Variants in TRPM7 observed in about 807,000 individuals in gnomAD.
TRPM7 encodes the protein LTRPC ion channel family member 7.
A neutral mutation model predicts 229.7 loss-of-function variants in TRPM7; 134 were observed. The ratio of observed to expected loss-of-function variants is 0.58; its 90% CI spans 0.51 to 0.67. TRPM7 has a LOEUF of 0.67. Ranked by LOEUF, TRPM7 falls within the 30% of genes least tolerant of loss-of-function variation. The probability of loss-of-function intolerance (pLI) is 0.00; values close to 1 mark genes in which losing one functional copy is unlikely to be tolerated. For synonymous variants in TRPM7, 699 were observed against 715.2 expected (o/e 0.98, Z 0.36); for missense variants, 1,901 against 2,210.0 (o/e 0.86, Z 2.80).
rs60298843 is a variant in TRPM7, at chr15:50,561,035, TA to T, written c.*642del. ...ATTTTTACACAATTTGGGTTCTATT[TA>T]AAAAAAAAAACTGGCTCTATCTTTA... is the stretch of plus-strand genomic sequence containing the variant. On this transcript the variant is annotated 3_prime_UTR_variant, in exon 39 of 39. Coordinates refer to ENST00000646667, the MANE Select transcript of TRPM7 (RefSeq NM_017672.6). The T allele has an allele frequency of 0.37, 55,251 of 150,212 alleles. 10,885 individuals are homozygous for T. Among genetic ancestry groups the T allele is most frequent in the Admixed American group, 0.49 (7,356 of 15,074 alleles). 9.3% of individuals were successfully genotyped at this position (150,212 alleles called of 1,614,324 possible).
intron 15 of TRPM7, 66 bp downstream of exon 15, chr15:50,613,641 T>C: frequency 7.4e-7 from 1 of 1,354,044 alleles, no homozygotes. Context: ...TTTTGTTTAA[T>C]AATACTAAGT....
rs28595369 is a variant in TRPM7, at chr15:50,666,530, G to C, written c.4-3484C>G. 7.9e-3 allele frequency among the ~76,000 whole-genome samples: 1,199 copies of C among 152,098 alleles called. 20 individuals are homozygous for C. The highest frequency in any genetic ancestry group is 0.028 in the African/African-American group (1,148 of 41,500). On this transcript the variant is annotated intron_variant, in intron 1 of 38. Transcript: ENST00000646667. ...GAGGAAAAAGAAAAAGAGGCCGGGTGCAGTGGCTTATACCTGTAATCCCAG... is the reference window on the plus strand; with the variant it reads ...GAGGAAAAAGAAAAAGAGGCCGGGTCCAGTGGCTTATACCTGTAATCCCAG...
intron 5 of TRPM7, among the ~76,000 whole-genome samples, chr15:50,641,537 TTCA>T (rs2061101111): frequency 1.3e-5 from 2 of 152,210 alleles, no homozygotes; most frequent in African/African-American, 4.8e-5. Context: ...TCTTCTTGAC[TTCA>T]TGTGTCTGCA....
At chr15:50,664,168 T>G (rs1251212509) in intron 1 of TRPM7, among the ~76,000 whole-genome samples, 1 of 151,434 alleles carries the variant, frequency 6.6e-6, no homozygotes, top group Non-Finnish European at 1.5e-5. Context: ...TGTGGTGGCG[T>G]GTGCCTGTAA....
chr15:50,615,811 G>A (rs1418063610), intron 13 of TRPM7, among the ~76,000 whole-genome samples: 2 of 151,948 alleles, frequency 1.3e-5, no homozygotes, highest in Non-Finnish European at 2.9e-5. Flanking sequence ...CAGAAGAATC[G>A]CTTGAACCCA....
chr15:50,585,572 T>C (rs562364837), intron 28 of TRPM7, among the ~76,000 whole-genome samples: 28 of 152,338 alleles, frequency 1.8e-4, no homozygotes, highest in African/African-American at 6.5e-4. Context: ...GATCTCATGA[T>C]TTTTCTCCTT....
intron 9 of TRPM7, among the ~76,000 whole-genome samples, chr15:50,631,835 C>T (rs1044008340): frequency 6.6e-6 from 1 of 152,118 alleles, no homozygotes; most frequent in Non-Finnish European, 1.5e-5. Context: ...GATTCCTTAT[C>T]AGGGTAAATA....
Position 50,686,794 on chromosome 15 carries a change from G to T in TRPM7, c.-261C>A. 2.7e-6 allele frequency: 1 copy of T among 364,772 alleles called. No homozygotes were observed. Among genetic ancestry groups the T allele is most frequent in the Non-Finnish European group, 4.8e-6 (1 of 206,204 alleles). The allele number at this position is 364,772 out of a possible 1,614,324, so 22.6% of individuals were successfully genotyped here. On this transcript the variant is annotated 5_prime_UTR_variant, in exon 1 of 39. Coordinates refer to ENST00000646667, the MANE Select transcript of TRPM7 (RefSeq NM_017672.6). ...CCGCCTCCGCCGGCGACGGGGCTGGGGACGGACCACGTGAGCGGCGCGGCG... is the reference window on the plus strand; with the variant it reads ...CCGCCTCCGCCGGCGACGGGGCTGGTGACGGACCACGTGAGCGGCGCGGCG...
In TRPM7 at chr15:50,594,554, TGATAACGCTG is replaced by T. The variant is rs762841114; in HGVS notation, c.3340_3349del (p.Gln1114IlefsTer22). 1 of 1,612,838 alleles carries T rather than the reference TGATAACGCTG, an allele frequency of 6.2e-7. No individual in the cohort carries two copies. The highest frequency in any genetic ancestry group is 1.1e-5 in the South Asian group (1 of 90,938). On this transcript the variant is annotated frameshift_variant, in exon 24 of 39. Transcript: ENST00000646667. LOFTEE classifies it high-confidence loss of function. Reference sequence around the variant, plus strand: ...TTTCTCATGATAAGCCATAATAAAATGATAACGCTGGTACTTCCATACAATATTGGAAATT... The same window carrying T: ...TTTCTCATGATAAGCCATAATAAAATGTACTTCCATACAATATTGGAAATT...
At chr15:50,586,011 T>G (rs932792592) in intron 28 of TRPM7, among the ~76,000 whole-genome samples, 1 of 151,958 alleles carries the variant, frequency 6.6e-6, no homozygotes, top group Non-Finnish European at 1.5e-5. Flanking sequence ...ATTTTCAGAG[T>G]GTGTGTATTT....
intron 7 of TRPM7, 124 bp from the exon 8 acceptor site, chr15:50,634,680 A>G: frequency 4.2e-6 from 3 of 707,270 alleles, no homozygotes; most frequent in East Asian, 3.4e-5. Context: ...ATTAAAAAGT[A>G]AAAACATAAT....
intron 1 of TRPM7, among the ~76,000 whole-genome samples, chr15:50,684,098 A>C (rs1396490623): frequency 6.6e-6 from 1 of 151,562 alleles, no homozygotes; most frequent in Non-Finnish European, 1.5e-5. Context: ...GTGATCCGGG[A>C]TCAGCCTGTC....
At chr15:50,674,304 G>T (rs889952664) in intron 1 of TRPM7, among the ~76,000 whole-genome samples, 1 of 151,822 alleles carries the variant, frequency 6.6e-6, no homozygotes, top group African/African-American at 2.4e-5. Context: ...GCTAATTTTT[G>T]TATTTTTAGT....
At position 50,561,023 on chromosome 15, in the gene TRPM7, T is replaced by G. The variant is rs2053288307; in HGVS notation, c.*655A>C. 1 of 131,464 alleles carries G rather than the reference T, an allele frequency of 7.6e-6. No homozygotes were observed. Among genetic ancestry groups the G allele is most frequent in the African/African-American group, 2.7e-5 (1 of 36,570 alleles). 8.1% of individuals were successfully genotyped at this position (131,464 alleles called of 1,614,324 possible). A position where few individuals can be genotyped will look rare whatever the true frequency, so the allele number is the denominator to read the frequency against. ...AACCCAATTAACATTTTTACACAATTTGGGTTCTATTTAAAAAAAAAAACT... is the reference window on the plus strand; with the variant it reads ...AACCCAATTAACATTTTTACACAATGTGGGTTCTATTTAAAAAAAAAAACT... On this transcript the variant is annotated 3_prime_UTR_variant, in exon 39 of 39. Coordinates refer to ENST00000646667, the MANE Select transcript of TRPM7 (RefSeq NM_017672.6).
Position 50,586,425 on chromosome 15 carries a change from G to A in TRPM7, c.4453C>T (p.His1485Tyr). Residue 1485 changes from histidine to tyrosine, a missense_variant, in exon 28 of 39, where the codon CAC becomes TAC. Physicochemically the swap from His to Tyr is moderately conservative, Grantham distance 83. This residue lies in a region of TRPM7 where 533 missense variants were observed against 497.1 expected (regional missense o/e 1.07). Transcript: ENST00000646667. ...GAATGAACAGGAATGGAAGTTCTGT[G>A]ACAGTCAGTAAATCCAGCAAGAGAA... ...VSSLAGFTDC[H>Y]RTSIPVHSKQ... 6 of 1,613,048 alleles carry A rather than the reference G, an allele frequency of 3.7e-6. No individual in the cohort carries two copies. Among genetic ancestry groups the A allele is most frequent in the Non-Finnish European group, 5.1e-6 (6 of 1,179,160 alleles).
At chr15:50,596,718 C>A (rs1258135656) in intron 22 of TRPM7, among the ~76,000 whole-genome samples, 1 of 152,198 alleles carries the variant, frequency 6.6e-6, no homozygotes, top group South Asian at 2.1e-4. Context: ...CCTGGATCAA[C>A]CATATGATAA....
chr15:50,568,853 C>T (rs913063957), intron 38 of TRPM7, among the ~76,000 whole-genome samples: 9 of 151,732 alleles, frequency 5.9e-5, no homozygotes, highest in Non-Finnish European at 1.0e-4. Flanking sequence ...TGTTGTGGCA[C>T]GTGCCTGTAG....
intron 3 of TRPM7, among the ~76,000 whole-genome samples, 175 bp from the exon 4 acceptor site, chr15:50,649,060 C>T (rs773249421): frequency 5.9e-5 from 9 of 151,964 alleles, no homozygotes; most frequent in Admixed American, 1.3e-4. Context: ...TTCATCATAG[C>T]ACTGAAATAG....
intron 3 of TRPM7, among the ~76,000 whole-genome samples, chr15:50,655,536 T>C (rs1162749821): frequency 6.6e-6 from 1 of 150,810 alleles, no homozygotes; most frequent in Non-Finnish European, 1.5e-5. Context: ...AGAATCACTC[T>C]CAGGCATATT....
Sources: allele counts gnomAD v4.1 joint callset (sites outside exome capture counted in the v4.1 genomes callset), GRCh38; gene constraint gnomAD v4.1.1; regional missense constraint gnomAD v4.1.1; transcripts MANE v1.5; gene names NCBI Gene and HGNC (gene_info 2026-07-23, HGNC 2026-07-21).